The following MRPS27 variants were observed in gnomAD, a reference collection of about 807,000 sequenced individuals.
MRPS27 encodes the protein mitochondrial ribosomal protein S27, also known as small ribosomal subunit protein mS27.
In MRPS27, 43 loss-of-function variants were observed where a neutral mutation model predicts 48.9. The ratio of observed to expected loss-of-function variants is 0.88; its 90% CI spans 0.69 to 1.13. The LOEUF (loss-of-function observed/expected upper bound fraction) is 1.13. Among genes scored for constraint, MRPS27 ranks in the 50% most tolerant of loss-of-function variants. The pLI, the probability that MRPS27 is intolerant of heterozygous loss-of-function variation, is 0.00. For missense variants in MRPS27, 467 were observed against 476.3 expected (o/e 0.98, Z 0.18); for synonymous variants, 188 against 171.9 (o/e 1.09, Z -0.73).
At chr5:72,290,311 A>AGCC (rs1305847681) in intron 4 of MRPS27, among the ~76,000 whole-genome samples, 2 of 152,176 alleles carry the variant, frequency 1.3e-5, no homozygotes, top group East Asian at 3.8e-4. Flanking sequence ...TACACTCACC[A>AGCC]TAACTGACTC....
chr5:72,280,923 G>A (rs998011680), intron 4 of MRPS27, among the ~76,000 whole-genome samples: 11 of 152,182 alleles, frequency 7.2e-5, no homozygotes, highest in African/African-American at 1.9e-4. Context: ...ACGGGTACAC[G>A]TATGACAGAT....
intron 2 of MRPS27, among the ~76,000 whole-genome samples, chr5:72,308,567 G>C (rs1029822962): frequency 3.4e-4 from 51 of 152,202 alleles, no homozygotes; most frequent in Admixed American, 3.3e-3. Flanking sequence ...CGGGGCGGCG[G>C]ATTCCCGCAG....
At chr5:72,283,810 C>G (rs1024027079) in intron 4 of MRPS27, among the ~76,000 whole-genome samples, 3 of 151,720 alleles carry the variant, frequency 2.0e-5, no homozygotes, top group African/African-American at 7.3e-5. Context: ...CTATCATGTA[C>G]AAGCCACTTT....
chr5:72,276,663 C>T (rs1373230783), intron 4 of MRPS27, among the ~76,000 whole-genome samples: 1 of 151,916 alleles, frequency 6.6e-6, no homozygotes, highest in Admixed American at 6.6e-5. Context: ...TGCAACCTAT[C>T]CATCTGACAA....
chr5:72,259,445 G>C (rs989244396), intron 4 of MRPS27, among the ~76,000 whole-genome samples: 2 of 144,242 alleles, frequency 1.4e-5, no homozygotes, highest in African/African-American at 5.3e-5. Flanking sequence ...TCCAGCCTGG[G>C]CAACAAAAGT....
intron 3 of MRPS27, 65 bp downstream of exon 3, chr5:72,297,567 A>T: frequency 1.0e-6 from 1 of 999,612 alleles, no homozygotes; most frequent in Non-Finnish European, 1.5e-6. Context: ...AGCCTCATCT[A>T]CATGAAGGGC....
intron 4 of MRPS27, among the ~76,000 whole-genome samples, chr5:72,264,650 T>C (rs2112007297): frequency 6.6e-6 from 1 of 152,194 alleles, no homozygotes; most frequent in East Asian, 1.9e-4. Context: ...GAGAGTGCCA[T>C]GTGATGGCAA....
chr5:72,305,000 C>T (rs750743734), intron 2 of MRPS27, among the ~76,000 whole-genome samples: 1 of 152,080 alleles, frequency 6.6e-6, no homozygotes, highest in African/African-American at 2.4e-5. Context: ...TTGTTTCCCA[C>T]ATTTTAAAAG....
chr5:72,305,829 T>C (rs1750249486), intron 2 of MRPS27, among the ~76,000 whole-genome samples: 1 of 152,210 alleles, frequency 6.6e-6, no homozygotes, highest in Admixed American at 6.5e-5. Flanking sequence ...TGGATCCTAT[T>C]CTGTTAACTA....
intron 2 of MRPS27, among the ~76,000 whole-genome samples, chr5:72,305,584 C>A (rs906358960): frequency 5.3e-5 from 8 of 152,098 alleles, no homozygotes; most frequent in Non-Finnish European, 1.2e-4. Context: ...AAACAGTAAC[C>A]CAAACCAAAA....
chr5:72,316,297 A>C (rs148433747), intron 1 of MRPS27, among the ~76,000 whole-genome samples: 1 of 152,336 alleles, frequency 6.6e-6, no homozygotes, highest in East Asian at 1.9e-4. Flanking sequence ...AAATGTCCTA[A>C]AATAGCTTGT....
chr5:72,280,969 C>G (rs188234327), intron 4 of MRPS27, among the ~76,000 whole-genome samples: 1 of 152,330 alleles, frequency 6.6e-6, no homozygotes, highest in South Asian at 2.1e-4. Context: ...GAAGCTTCCC[C>G]CAAAATGTGA....
At chr5:72,306,414 A>G (rs1241236950) in intron 2 of MRPS27, among the ~76,000 whole-genome samples, 1 of 152,236 alleles carries the variant, frequency 6.6e-6, no homozygotes, top group Non-Finnish European at 1.5e-5. Flanking sequence ...AAAGTCCTGA[A>G]TCTGATCAAG....
chr5:72,273,560 C>T lies in MRPS27; in HGVS notation c.281+21971G>A, dbSNP rs76144952. Among the ~76,000 whole-genome samples the T allele has an allele frequency of 5.5e-3, 841 of 152,198 alleles. 15 individuals are homozygous for T. The highest frequency in any genetic ancestry group is 0.019 in the African/African-American group (802 of 41,514). On this transcript the variant is annotated intron_variant, in intron 4 of 10. Transcript: ENST00000261413. ...TTGCTCCTAGGCTACAAACCTGTAC[C>T]GCGTGGGACTACACAGAATACTGTA...
chr5:72,294,973 TA>T (rs1749937258), intron 4 of MRPS27, among the ~76,000 whole-genome samples: 1 of 152,016 alleles, frequency 6.6e-6, no homozygotes, highest in African/African-American at 2.4e-5. Context: ...TTCAAAAATC[TA>T]AAAAAATCCA....
intron 2 of MRPS27, among the ~76,000 whole-genome samples, chr5:72,308,538 A>G (rs1750345960): frequency 6.6e-6 from 1 of 151,960 alleles, no homozygotes; most frequent in African/African-American, 2.4e-5. Flanking sequence ...CCCCGCGCCC[A>G]CTCGCCGCGT....
chr5:72,291,152 CATCA>C (rs1235780559), intron 4 of MRPS27, among the ~76,000 whole-genome samples: 1 of 152,108 alleles, frequency 6.6e-6, no homozygotes, highest in East Asian at 1.9e-4. Context: ...ACAGAAAACC[CATCA>C]ATTATATGCT....
chr5:72,232,112 G>A (rs1748077715), intron 7 of MRPS27, among the ~76,000 whole-genome samples: 1 of 152,106 alleles, frequency 6.6e-6, no homozygotes, highest in African/African-American at 2.4e-5. Context: ...AATATCCCAG[G>A]TAATGGTCAA....
At chr5:72,260,151 A>G (rs974140996) in intron 4 of MRPS27, among the ~76,000 whole-genome samples, 13 of 152,182 alleles carry the variant, frequency 8.5e-5, no homozygotes, top group Admixed American at 4.6e-4. Context: ...GCATTTTGCT[A>G]TATTTGTCAT....
Sources: gnomAD v4.1 joint callset for allele counts (sites outside exome capture counted in the v4.1 genomes callset) on GRCh38, gnomAD v4.1.1 for gene constraint, MANE v1.5 for transcripts, NCBI Gene and HGNC (gene_info 2026-07-23, HGNC 2026-07-21) for gene names.